Variants in MRPS35 observed in about 807,000 individuals in gnomAD.
MRPS35 encodes mitochondrial ribosomal protein S35, also known as small ribosomal subunit protein mS35.
A neutral mutation model predicts 32.7 loss-of-function variants in MRPS35; 29 were observed. That is an observed-to-expected ratio of 0.89 (90% CI 0.66 to 1.21). The LOEUF (loss-of-function observed/expected upper bound fraction) is 1.21. Ranked by LOEUF, MRPS35 falls within the 50% of genes most tolerant of loss-of-function variation. The pLI is 0.00. For missense variants in MRPS35, 373 were observed against 383.8 expected, an observed-to-expected ratio of 0.97 and a Z score of 0.23; for synonymous variants, 148 against 139.3, an observed-to-expected ratio of 1.06 and a Z score of -0.44.
chr12:27,732,005 A>G (rs2061923957), intron 5 of MRPS35, among the ~76,000 whole-genome samples: 1 of 152,258 alleles, frequency 6.6e-6, no homozygotes, highest in African/African-American at 2.4e-5. Context: ...TGTTTACTGT[A>G]TAAAATTTCA....
intron 5 of MRPS35, among the ~76,000 whole-genome samples, chr12:27,730,069 G>A (rs2061915798): frequency 6.6e-6 from 1 of 152,190 alleles, no homozygotes. Flanking sequence ...TTCCCCTGTT[G>A]TAAACATCTT....
intron 5 of MRPS35, among the ~76,000 whole-genome samples, chr12:27,732,730 T>G (rs968465676): frequency 6.6e-5 from 10 of 152,166 alleles, no homozygotes; most frequent in Non-Finnish European, 1.3e-4. Flanking sequence ...AAAAGTGCTT[T>G]ATTCTATTAA....
At chr12:27,732,204 T>C (rs997075444) in intron 5 of MRPS35, among the ~76,000 whole-genome samples, 2 of 152,208 alleles carry the variant, frequency 1.3e-5, no homozygotes, top group African/African-American at 4.8e-5. Context: ...AAAACCTAGA[T>C]CTTAATTTAC....
chr12:27,737,800 C>T (rs909417057), intron 7 of MRPS35, among the ~76,000 whole-genome samples, 192 bp downstream of exon 7: 1 of 152,174 alleles, frequency 6.6e-6, no homozygotes, highest in African/African-American at 2.4e-5. Context: ...TTATTCAGTT[C>T]ATCTCAGGAC....
intron 3 of MRPS35, among the ~76,000 whole-genome samples, chr12:27,716,685 C>G (rs550955356): frequency 1.3e-5 from 2 of 152,276 alleles, no homozygotes; most frequent in Admixed American, 1.3e-4. Context: ...GAATCCTAGG[C>G]ATTTAATAAT....
chr12:27,745,493 AACTG>A (rs757753564), intron 7 of MRPS35, among the ~76,000 whole-genome samples: 26 of 152,336 alleles, frequency 1.7e-4, no homozygotes, highest in Non-Finnish European at 1.9e-4. Flanking sequence ...CAAAATGAAC[AACTG>A]ACTAATTGAA....
At chr12:27,754,665 C>T (rs2062019015) in intron 7 of MRPS35, among the ~76,000 whole-genome samples, 1 of 150,386 alleles carries the variant, frequency 6.6e-6, no homozygotes, top group African/African-American at 2.5e-5. Flanking sequence ...TACTCAGGAG[C>T]CTGAGGTGGG....
In MRPS35 at chr12:27,735,463, T is replaced by C. The variant is rs1367773129; in HGVS notation, c.539T>C (p.Leu180Ser). The change falls in exon 6 of 8, where the codon TTG (leucine) becomes TCG (serine). Residue 180 changes from leucine (L) to serine (S), a missense_variant. Transcript: ENST00000081029. Reference protein sequence around the residue: ...VVVLRVKLSSLNLDDHAKKKL... With the variant: ...VVVLRVKLSSSNLDDHAKKKL... ...ATTTTTAAGGTAAAGCTTTCCAGTT[T>C]GAATTTAGATGATCACGCAAAGAAG... The C allele has an allele frequency of 6.2e-7, 1 of 1,606,954 alleles. No individual in the cohort carries two copies. Among genetic ancestry groups the C allele is most frequent in the Non-Finnish European group, 8.5e-7 (1 of 1,177,392 alleles).
intron 4 of MRPS35, among the ~76,000 whole-genome samples, chr12:27,721,990 G>A (rs960092468): frequency 3.9e-5 from 6 of 152,136 alleles, no homozygotes; most frequent in Admixed American, 3.9e-4. Context: ...TCTGTAGGCT[G>A]AGGTGGACGA....
At chr12:27,751,113 AAAAAAAAAAAAAAG>A (rs1308349861) in intron 7 of MRPS35, among the ~76,000 whole-genome samples, 1 of 150,404 alleles carries the variant, frequency 6.6e-6, no homozygotes, top group African/African-American at 2.4e-5. Context: ...AAAAAAAAAA[AAAAAAAAAAAAAAG>A]AAAAGAAAAG....
intron 7 of MRPS35, among the ~76,000 whole-genome samples, chr12:27,747,644 G>C (rs1489118851): frequency 5.3e-5 from 8 of 152,104 alleles, no homozygotes; most frequent in Admixed American, 5.2e-4. Flanking sequence ...ATGAGTAGTG[G>C]AATATTACTA....
intron 7 of MRPS35, among the ~76,000 whole-genome samples, chr12:27,753,527 A>G (rs2140787399): frequency 6.6e-6 from 1 of 152,288 alleles, no homozygotes. Flanking sequence ...TCAGCTCTGC[A>G]GAGCCTTGGA....
Position 27,710,917 on chromosome 12 carries a change from C to T in MRPS35, c.74C>T (p.Ala25Val), listed in dbSNP as rs370611236. The T allele has an allele frequency of 1.4e-5, 22 of 1,613,204 alleles. No individual in the cohort carries two copies. The highest frequency in any genetic ancestry group is 1.9e-5 in the Non-Finnish European group (22 of 1,179,914). ...RARTLRAFST[A>V]VYSATPVPTP... ...AGGACTCTGCGTGCATTCTCCACTG[C>T]CGTCTACTCGGCCACTCCGGTCCCG... The change falls in exon 1 of 8, where the codon GCC becomes GTC. Residue 25 changes from alanine to valine, a missense_variant. Physicochemically the swap from Ala to Val is moderately conservative, Grantham distance 64. Coordinates refer to ENST00000081029, the MANE Select transcript of MRPS35 (RefSeq NM_021821.4).
intron 7 of MRPS35, among the ~76,000 whole-genome samples, chr12:27,750,959 T>C (rs10842973): frequency 0.37 from 56,200 of 151,380 alleles, 10,660 homozygotes; most frequent in South Asian, 0.45. Context: ...AAAAATTAGC[T>C]GGGCGTGGTA....
At chr12:27,728,569 T>A (rs1322212090) in intron 5 of MRPS35, among the ~76,000 whole-genome samples, 1 of 152,150 alleles carries the variant, frequency 6.6e-6, no homozygotes, top group Non-Finnish European at 1.5e-5. Flanking sequence ...CTAAAATATC[T>A]ACTCCACATT....
intron 7 of MRPS35, among the ~76,000 whole-genome samples, chr12:27,742,923 C>T (rs1264628746): frequency 6.6e-6 from 1 of 152,028 alleles, no homozygotes; most frequent in South Asian, 2.1e-4. Context: ...GTAGAGCAAT[C>T]ATAGCTCACT....
chr12:27,730,598 A>G, intron 5 of MRPS35, among the ~76,000 whole-genome samples: 1 of 152,044 alleles, frequency 6.6e-6, no homozygotes, highest in East Asian at 1.9e-4. Flanking sequence ...TACAAGCGCA[A>G]GCCACCACGG....
intron 4 of MRPS35, among the ~76,000 whole-genome samples, chr12:27,720,351 G>T (rs2061868395): frequency 6.8e-6 from 1 of 147,196 alleles, no homozygotes; most frequent in Admixed American, 6.9e-5. Flanking sequence ...TTTAAATCGC[G>T]CCATTGCACT....
At chr12:27,713,801 A>C (rs1358500382) in intron 1 of MRPS35, among the ~76,000 whole-genome samples, 1 of 152,146 alleles carries the variant, frequency 6.6e-6, no homozygotes, top group South Asian at 2.1e-4. Flanking sequence ...AAAGTTAACT[A>C]TCATGGCTGG....
Sources: gnomAD v4.1 joint callset for allele counts (sites outside exome capture counted in the v4.1 genomes callset) on GRCh38, gnomAD v4.1.1 for gene constraint, MANE v1.5 for transcripts, NCBI Gene and HGNC (gene_info 2026-07-23, HGNC 2026-07-21) for gene names.